The following TXLNB variants were observed in gnomAD, a reference collection of about 807,000 sequenced individuals.
TXLNB encodes the protein taxilin beta.
In TXLNB, 37 loss-of-function variants were observed where a neutral mutation model predicts 57.4. The observed-to-expected ratio is 0.64, with a 90% CI of 0.50 to 0.85. The LOEUF (loss-of-function observed/expected upper bound fraction) is 0.85. Among genes scored for constraint, TXLNB ranks in the 40% least tolerant of loss-of-function variants. The pLI, the probability that TXLNB is intolerant of heterozygous loss-of-function variation, is 0.00. For synonymous variants in TXLNB, 302 were observed against 309.6 expected, an observed-to-expected ratio of 0.98 and a Z score of 0.26; for missense variants, 848 against 825.6, an observed-to-expected ratio of 1.03 and a Z score of -0.33.
chr6:139,166,986 G>C, the TXLNB span: 1 of 1,614,226 alleles, frequency 6.2e-7, no homozygotes, highest in Admixed American at 1.7e-5. Flanking sequence ...TTTGATTACA[G>C]CCCTGCGGGG....
chr6:139,259,715 T>G (rs543793095), intron 6 of TXLNB, among the ~76,000 whole-genome samples: 3 of 152,290 alleles, frequency 2.0e-5, no homozygotes, highest in African/African-American at 7.2e-5. Flanking sequence ...TAGTGGGAGA[T>G]GCCCCTTCTC....
chr6:139,319,527 C>T, the TXLNB span, among the ~76,000 whole-genome samples: 1 of 151,736 alleles, frequency 6.6e-6, no homozygotes. Flanking sequence ...TATACCACAC[C>T]CCAGCACTTT....
the TXLNB span, among the ~76,000 whole-genome samples, chr6:139,214,387 A>G: frequency 6.6e-6 from 1 of 152,252 alleles, no homozygotes; most frequent in African/African-American, 2.4e-5. Flanking sequence ...CCACATGATT[A>G]TCTCAATAGA....
At chr6:139,309,574 A>G in the TXLNB span, among the ~76,000 whole-genome samples, 2 of 152,146 alleles carry the variant, frequency 1.3e-5, no homozygotes, top group African/African-American at 2.4e-5. Context: ...TCTTGTCCAA[A>G]CTACACACTT....
At chr6:139,254,878 A>G (rs4598096) in intron 7 of TXLNB, among the ~76,000 whole-genome samples, 73,801 of 151,930 alleles carry the variant, frequency 0.49, 21,509 homozygotes, top group African/African-American at 0.83. Context: ...GAGTGCAGTG[A>G]TGTGATCTCG....
the TXLNB span, among the ~76,000 whole-genome samples, chr6:139,234,912 C>G: frequency 1.3e-5 from 2 of 152,186 alleles, no homozygotes; most frequent in Non-Finnish European, 2.9e-5. Context: ...GGCACTGCAC[C>G]CTGCAAAGCC....
the TXLNB span, chr6:139,166,059 G>A: frequency 4.2e-6 from 2 of 470,848 alleles, no homozygotes; most frequent in Non-Finnish European, 7.5e-6. Context: ...TCAGGATGAA[G>A]GGCGTTGAAG....
Position 139,283,779 on chromosome 6 carries a change from G to C in TXLNB, c.424+4697C>G, listed in dbSNP as rs374248402. ...ACACTTTGGAAAATGTTGTAGTAGA[G>C]AGTCAAAACATTTTAGCATCTCAAA... On this transcript the variant is annotated intron_variant, in intron 2 of 9. Transcript: ENST00000358430. Among the ~76,000 whole-genome samples, 4 of 145,470 alleles carry C rather than the reference G, an allele frequency of 2.7e-5. 1 individual carries two copies. The highest frequency in any genetic ancestry group is 2.5e-5 in the African/African-American group (1 of 39,590).
intron 3 of TXLNB, among the ~76,000 whole-genome samples, chr6:139,275,754 T>C (rs1320341026): frequency 6.6e-6 from 1 of 152,186 alleles, no homozygotes; most frequent in African/African-American, 2.4e-5. Flanking sequence ...GAAGAGTTTG[T>C]GGGCCTGAAG....
the TXLNB span, among the ~76,000 whole-genome samples, chr6:139,193,840 A>ATATATTTTT: frequency 2.3e-5 from 2 of 85,228 alleles, no homozygotes; most frequent in Admixed American, 1.3e-4. Flanking sequence ...ATATATATAT[A>ATATATTTTT]TTTTTTTTTT....
chr6:139,203,094 G>T, the TXLNB span, among the ~76,000 whole-genome samples: 1 of 152,016 alleles, frequency 6.6e-6, no homozygotes, highest in Non-Finnish European at 1.5e-5. Context: ...TCTTTATCCA[G>T]TCATCTGCTG....
downstream of TXLNB, among the ~76,000 whole-genome samples, chr6:139,238,352 C>T (rs1367042393): frequency 6.6e-6 from 1 of 152,148 alleles, no homozygotes; most frequent in Non-Finnish European, 1.5e-5. Context: ...CGATATCACG[C>T]CACTGCACTC....
At chr6:139,272,302 A>G (rs1369392671) in intron 3 of TXLNB, among the ~76,000 whole-genome samples, 1 of 152,122 alleles carries the variant, frequency 6.6e-6, no homozygotes, top group Admixed American at 6.6e-5. Context: ...GCAAGACTCC[A>G]TCTCAAAAAA....
At chr6:139,177,318 C>A in the TXLNB span, 1 of 397,246 alleles carries the variant, frequency 2.5e-6, no homozygotes, top group African/African-American at 2.0e-5. The surrounding 1 kb of genome is among the most constrained non-coding windows in gnomAD (Gnocchi z 4.9). Context: ...ATGGGTAATC[C>A]TGTGCATTTG....
At chr6:139,198,784 T>C in the TXLNB span, among the ~76,000 whole-genome samples, 2 of 152,192 alleles carry the variant, frequency 1.3e-5, no homozygotes, top group Non-Finnish European at 2.9e-5. Flanking sequence ...GCTGCAGCTC[T>C]TGATGGGCTC....
At chr6:139,318,428 A>C in the TXLNB span, among the ~76,000 whole-genome samples, 1 of 152,032 alleles carries the variant, frequency 6.6e-6, no homozygotes. Flanking sequence ...AACGAGAAAG[A>C]GAATGAGAGA....
At chr6:139,318,112 T>C in the TXLNB span, among the ~76,000 whole-genome samples, 2 of 151,022 alleles carry the variant, frequency 1.3e-5, no homozygotes, top group Non-Finnish European at 3.0e-5. Flanking sequence ...TACTAAAAAA[T>C]ACAAAAAATT....
At chr6:139,174,527 T>A in the TXLNB span, 1 of 1,614,030 alleles carries the variant, frequency 6.2e-7, no homozygotes, top group South Asian at 1.1e-5. Flanking sequence ...TGGCTGCCTC[T>A]CCATGTTGTC....
chr6:139,216,298 A>C, the TXLNB span, among the ~76,000 whole-genome samples: 1 of 151,850 alleles, frequency 6.6e-6, no homozygotes, highest in Non-Finnish European at 1.5e-5. Context: ...GCAGCCATAA[A>C]AAATGATGAG....
Sources: allele counts gnomAD v4.1 joint callset (sites outside exome capture counted in the v4.1 genomes callset), GRCh38; gene constraint gnomAD v4.1.1; non-coding constraint Gnocchi (gnomAD v3.1); transcripts MANE v1.5; gene names NCBI Gene and HGNC (gene_info 2026-07-23, HGNC 2026-07-21).